Variants in KANK1 observed in about 807,000 individuals in gnomAD.
KANK1 encodes the protein KN motif and ankyrin repeat domains 1.
In KANK1, 109 loss-of-function variants were observed where a neutral mutation model predicts 106.2. That is an observed-to-expected ratio of 1.03 (90% CI 0.88 to 1.20). The LOEUF is 1.20. KANK1 is among the 50% of genes most tolerant of loss of function. The probability of loss-of-function intolerance (pLI) is 0.00; values close to 1 mark genes in which losing one functional copy is unlikely to be tolerated. For missense variants in KANK1, 2,399 were observed against 1,710.7 expected (o/e 1.40, Z -7.10); for synonymous variants, 873 against 652.2 (o/e 1.34, Z -5.16).
chr9:478,781 A>G (rs2058151736), intron 3 of KANK1, among the ~76,000 whole-genome samples: 3 of 152,236 alleles, frequency 2.0e-5, no homozygotes, highest in African/African-American at 7.2e-5. Flanking sequence ...TGTGGAGCCA[A>G]TGAGTAAGAT....
intron 1 of KANK1, among the ~76,000 whole-genome samples, chr9:634,341 A>T (rs963626092): frequency 2.0e-5 from 3 of 151,980 alleles, no homozygotes; most frequent in African/African-American, 7.3e-5. Flanking sequence ...CCATCTCTGG[A>T]CTTCCTTGGT....
intron 2 of KANK1, among the ~76,000 whole-genome samples, chr9:679,968 T>C (rs1183752975): frequency 6.6e-6 from 1 of 152,130 alleles, no homozygotes; most frequent in African/African-American, 2.4e-5. Context: ...TACACTTCTG[T>C]GCATGTAAAT....
intron 1 of KANK1, among the ~76,000 whole-genome samples, chr9:666,930 G>T (rs1366430240): frequency 1.8e-5 from 2 of 110,692 alleles, no homozygotes; most frequent in East Asian, 2.5e-4. Context: ...TTTTTTGGTG[G>T]CCTTATCTGG....
At chr9:643,198 T>C (rs1175493697) in intron 1 of KANK1, among the ~76,000 whole-genome samples, 1 of 150,892 alleles carries the variant, frequency 6.6e-6, no homozygotes, top group Non-Finnish European at 1.5e-5. Flanking sequence ...TGAAATTTCA[T>C]ACAGATTTTT....
intron 1 of KANK1, among the ~76,000 whole-genome samples, chr9:629,330 G>C (rs1835116860): frequency 6.6e-6 from 1 of 152,066 alleles, no homozygotes; most frequent in Non-Finnish European, 1.5e-5. Context: ...ACCAGAGTGG[G>C]TCACGAGTCA....
At chr9:538,616 C>G (rs1374740796) in intron 1 of KANK1, among the ~76,000 whole-genome samples, 1 of 152,070 alleles carries the variant, frequency 6.6e-6, no homozygotes, top group East Asian at 1.9e-4. Context: ...GTTTCAACAG[C>G]GTGGTGCTAT....
chr9:709,086 G>T (rs2130808391), intron 2 of KANK1, among the ~76,000 whole-genome samples: 1 of 152,266 alleles, frequency 6.6e-6, no homozygotes, highest in African/African-American at 2.4e-5. Flanking sequence ...CTTTGCATCT[G>T]TTTGAACTCA....
At chr9:637,491 G>A (rs1837422816) in intron 1 of KANK1, among the ~76,000 whole-genome samples, 1 of 151,984 alleles carries the variant, frequency 6.6e-6, no homozygotes, top group Admixed American at 6.6e-5. Context: ...CAATCACTTG[G>A]GGTACTTAAC....
At chr9:741,430 C>CT (rs1017931603) in intron 9 of KANK1, among the ~76,000 whole-genome samples, 83 of 150,706 alleles carry the variant, frequency 5.5e-4, no homozygotes, top group African/African-American at 1.7e-3. Context: ...TGCAGTGATT[C>CT]TCCTGCCTTA....
At chr9:638,160 A>G (rs1466993638) in intron 1 of KANK1, among the ~76,000 whole-genome samples, 1 of 152,198 alleles carries the variant, frequency 6.6e-6, no homozygotes, top group African/African-American at 2.4e-5. Context: ...GATACAAACA[A>G]AGCAGTCATT....
chr9:573,244 A>C (rs996266642), intron 1 of KANK1, among the ~76,000 whole-genome samples: 1 of 152,162 alleles, frequency 6.6e-6, no homozygotes, highest in Non-Finnish European at 1.5e-5. Flanking sequence ...AAACTTATCT[A>C]ATAAATAAAA....
At chr9:742,970 C>G (rs1486858364) in intron 10 of KANK1, among the ~76,000 whole-genome samples, 1 of 152,224 alleles carries the variant, frequency 6.6e-6, no homozygotes, top group African/African-American at 2.4e-5. Context: ...CCACTCTGCT[C>G]TCTTCTCCCA....
At chr9:531,058 G>C (rs1201481442) in intron 1 of KANK1, among the ~76,000 whole-genome samples, 1 of 152,052 alleles carries the variant, frequency 6.6e-6, no homozygotes, top group East Asian at 1.9e-4. Context: ...GGCTGGTAAA[G>C]GTCAGAGTTT....
intron 1 of KANK1, among the ~76,000 whole-genome samples, chr9:517,365 G>C (rs1028543219): frequency 2.6e-5 from 4 of 151,778 alleles, no homozygotes; most frequent in African/African-American, 9.7e-5. Flanking sequence ...GCCTTCCAAA[G>C]TGCTAGGATC....
chr9:636,342 C>G (rs1837135530), intron 1 of KANK1, among the ~76,000 whole-genome samples: 1 of 152,192 alleles, frequency 6.6e-6, no homozygotes, highest in Non-Finnish European at 1.5e-5. Flanking sequence ...CTCATATTAG[C>G]ACTGCTGATC....
At chr9:568,602 G>A (rs1487081356) in intron 1 of KANK1, among the ~76,000 whole-genome samples, 1 of 152,188 alleles carries the variant, frequency 6.6e-6, no homozygotes, top group South Asian at 2.1e-4. Context: ...CTATCATCCC[G>A]CCTCAGCCTG....
chr9:600,479 C>T (rs779944480), intron 1 of KANK1, among the ~76,000 whole-genome samples: 1 of 151,760 alleles, frequency 6.6e-6, no homozygotes, highest in Non-Finnish European at 1.5e-5. Flanking sequence ...CATTCCCATA[C>T]AATGTGGTAA....
chr9:740,755 T>A, intron 8 of KANK1, 37 bp from the exon 9 acceptor site: 8 of 1,592,358 alleles, frequency 5.0e-6, no homozygotes, highest in Non-Finnish European at 6.8e-6. Context: ...TAGAAGGGGC[T>A]GCTTCCTAAG....
chr9:497,953 T>G (rs1362137690), intron 3 of KANK1, among the ~76,000 whole-genome samples: 1 of 152,168 alleles, frequency 6.6e-6, no homozygotes, highest in African/African-American at 2.4e-5. Flanking sequence ...CTGGTATGAC[T>G]TCGGGGATCT....
Sources: gnomAD v4.1 joint callset for allele counts (sites outside exome capture counted in the v4.1 genomes callset) on GRCh38, gnomAD v4.1.1 for gene constraint, MANE v1.5 for transcripts, NCBI Gene and HGNC (gene_info 2026-07-23, HGNC 2026-07-21) for gene names.